Variants in SLC35F3 observed in about 807,000 individuals in gnomAD.
SLC35F3 encodes the protein solute carrier family 35 member F3.
In SLC35F3, 25 loss-of-function variants were observed where a neutral mutation model predicts 49.9. The ratio of observed to expected loss-of-function variants is 0.50; its 90% CI spans 0.37 to 0.70. SLC35F3 has a LOEUF of 0.70. SLC35F3 is among the 30% of genes least tolerant of loss of function. The pLI, the probability that SLC35F3 is intolerant of heterozygous loss-of-function variation, is 0.00. For missense variants in SLC35F3, 525 were observed against 639.8 expected (o/e 0.82, Z 1.94); for synonymous variants, 275 against 265.4 (o/e 1.04, Z -0.35).
chr1:234,053,371 T>A (rs1664406825), intron 2 of SLC35F3, among the ~76,000 whole-genome samples: 1 of 152,260 alleles, frequency 6.6e-6, no homozygotes, highest in Non-Finnish European at 1.5e-5. Flanking sequence ...TTTGTTTAAT[T>A]GATTCCTTTA....
In SLC35F3 at chr1:234,097,544, GCACACACA is replaced by G. The variant is rs1462153669; in HGVS notation, c.284-133871_284-133864del. ...AACCAAAGTCTACACACACATACAC[GCACACACA>G]CGCACACACGCACATTATTTGTTTT... On this transcript the variant is annotated intron_variant, in intron 2 of 7. Transcript: ENST00000366618. Among the ~76,000 whole-genome samples the G allele has an allele frequency of 5.4e-3, 824 of 152,030 alleles. 8 individuals carry two copies. Among genetic ancestry groups the G allele is most frequent in the African/African-American group, 0.019 (769 of 41,482 alleles).
intron 2 of SLC35F3, among the ~76,000 whole-genome samples, chr1:233,936,988 G>T (rs1217986331): frequency 6.6e-6 from 1 of 152,194 alleles, no homozygotes; most frequent in African/African-American, 2.4e-5. Flanking sequence ...ACTGCATCTG[G>T]CCACCTCTGT....
At position 234,141,504 on chromosome 1, in the gene SLC35F3, C is replaced by G. The variant is rs116155778; in HGVS notation, c.284-89913C>G. Reference sequence around the variant, plus strand: ...TGTAGACATCACCACAATCAAGGTACTAAACATGTCCACCACCTCCAAAAA... The same window carrying G: ...TGTAGACATCACCACAATCAAGGTAGTAAACATGTCCACCACCTCCAAAAA... On this transcript the variant is annotated intron_variant, in intron 2 of 7. Transcript: ENST00000366618. Among the ~76,000 whole-genome samples, 903 of 152,306 alleles carry G rather than the reference C, an allele frequency of 5.9e-3. 10 individuals carry two copies. The highest frequency in any genetic ancestry group is 0.021 in the African/African-American group (859 of 41,564).
intron 2 of SLC35F3, among the ~76,000 whole-genome samples, chr1:234,193,561 A>T (rs1281166605): frequency 1.3e-5 from 2 of 152,214 alleles, no homozygotes; most frequent in Non-Finnish European, 2.9e-5. Context: ...AAGAACCCAA[A>T]AGCAAATGCA....
At chr1:234,167,097 C>G (rs1450324691) in intron 2 of SLC35F3, among the ~76,000 whole-genome samples, 1 of 152,222 alleles carries the variant, frequency 6.6e-6, no homozygotes, top group Non-Finnish European at 1.5e-5. Context: ...TTTCAGGAGC[C>G]AGGTTAGAAA....
chr1:234,254,728 C>G (rs1362925420), intron 3 of SLC35F3, among the ~76,000 whole-genome samples: 1 of 152,196 alleles, frequency 6.6e-6, no homozygotes, highest in Non-Finnish European at 1.5e-5. Context: ...AACAGGCATA[C>G]CACTCACTCT....
chr1:233,923,882 TC>T (rs1176201713), intron 2 of SLC35F3, among the ~76,000 whole-genome samples: 1 of 152,242 alleles, frequency 6.6e-6, no homozygotes, highest in Non-Finnish European at 1.5e-5. Context: ...GAAGGCCTTT[TC>T]TGCATCTATT....
intron 2 of SLC35F3, among the ~76,000 whole-genome samples, chr1:234,114,831 A>G (rs954318411): frequency 6.6e-6 from 1 of 151,362 alleles, no homozygotes; most frequent in Non-Finnish European, 1.5e-5. Context: ...TCAAAACAGT[A>G]TTTGGAAACG....
At chr1:233,964,405 A>G (rs1662863159) in intron 2 of SLC35F3, among the ~76,000 whole-genome samples, 1 of 152,212 alleles carries the variant, frequency 6.6e-6, no homozygotes, top group Admixed American at 6.5e-5. Context: ...TCCTTCACCT[A>G]CAGATACTCA....
chr1:234,106,636 T>G (rs536276555), intron 2 of SLC35F3, among the ~76,000 whole-genome samples: 36 of 152,226 alleles, frequency 2.4e-4, no homozygotes, highest in Non-Finnish European at 2.9e-5. Context: ...TCACTTAATC[T>G]TAACCACCTT....
chr1:234,187,248 G>A (rs1311607040), intron 2 of SLC35F3, among the ~76,000 whole-genome samples: 4 of 152,082 alleles, frequency 2.6e-5, no homozygotes, highest in Non-Finnish European at 5.9e-5. Flanking sequence ...TATACCTAAA[G>A]TTCCCAACCT....
intron 2 of SLC35F3, among the ~76,000 whole-genome samples, chr1:233,922,779 A>G (rs1285530124): frequency 6.6e-6 from 1 of 152,188 alleles, no homozygotes; most frequent in Non-Finnish European, 1.5e-5. Context: ...TTATGGTTTT[A>G]GGTCTAACAT....
At chr1:233,998,248 T>TAG (rs1663494094) in intron 2 of SLC35F3, among the ~76,000 whole-genome samples, 5 of 152,044 alleles carry the variant, frequency 3.3e-5, no homozygotes, top group Admixed American at 3.3e-4. Flanking sequence ...ATTCAATCAT[T>TAG]CTCCTACCTA....
chr1:233,952,393 G>A (rs2102805739), intron 2 of SLC35F3, among the ~76,000 whole-genome samples: 1 of 152,308 alleles, frequency 6.6e-6, no homozygotes, highest in South Asian at 2.1e-4. Flanking sequence ...TGAGGTGGGT[G>A]TGGGCTGTGC....
At chr1:234,021,262 T>C (rs1303611037) in intron 2 of SLC35F3, among the ~76,000 whole-genome samples, 1 of 152,158 alleles carries the variant, frequency 6.6e-6, no homozygotes, top group African/African-American at 2.4e-5. Context: ...AAATGTGGTC[T>C]TGAAGCTGGG....
chr1:234,181,338 G>GAAAAAAAAAAAAAAGAAAAAAAA (rs1666553167), intron 2 of SLC35F3, among the ~76,000 whole-genome samples: 1 of 97,310 alleles, frequency 1.0e-5, no homozygotes, highest in African/African-American at 3.9e-5. Flanking sequence ...TCTGTCTCAA[G>GAAAAAAAAAAAAAAGAAAAAAAA]AAAAAAAAAA....
chr1:233,937,425 G>C (rs1662352333), intron 2 of SLC35F3, among the ~76,000 whole-genome samples: 1 of 152,254 alleles, frequency 6.6e-6, no homozygotes, highest in South Asian at 2.1e-4. Flanking sequence ...AAGGCTGCCT[G>C]TCTGAAGACT....
At chr1:234,269,452 A>C (rs866831798) in intron 3 of SLC35F3, among the ~76,000 whole-genome samples, 17 of 152,138 alleles carry the variant, frequency 1.1e-4, no homozygotes, top group African/African-American at 3.9e-4. Flanking sequence ...AAAAGTACCT[A>C]TTTTGGTCAC....
chr1:234,093,230 C>G (rs1366881377), intron 2 of SLC35F3, among the ~76,000 whole-genome samples: 1 of 152,196 alleles, frequency 6.6e-6, no homozygotes, highest in East Asian at 1.9e-4. Flanking sequence ...AACATTGTCT[C>G]TTTGCCAGAA....
Sources: gnomAD v4.1 joint callset for allele counts (sites outside exome capture counted in the v4.1 genomes callset) on GRCh38, gnomAD v4.1.1 for gene constraint, MANE v1.5 for transcripts, NCBI Gene and HGNC (gene_info 2026-07-23, HGNC 2026-07-21) for gene names.